The following TGS1 variants were observed in gnomAD, a reference collection of about 807,000 sequenced individuals.
TGS1 encodes trimethylguanosine synthase 1, also known as trimethylguanosine synthase.
TGS1 carries 69 observed loss-of-function variants against 92.2 expected under a neutral mutation model. The observed-to-expected ratio is 0.75, with a 90% CI of 0.62 to 0.91. TGS1 has a LOEUF of 0.91. Ranked by LOEUF, TGS1 falls within the 40% of genes least tolerant of loss-of-function variation. The pLI is 0.00. For missense variants in TGS1, 1,062 were observed against 1,001.2 expected, an observed-to-expected ratio of 1.06 and a Z score of -0.82; for synonymous variants, 345 against 338.1, an observed-to-expected ratio of 1.02 and a Z score of -0.22.
chr8:55,777,056 G>C (rs1033459201), intron 1 of TGS1, among the ~76,000 whole-genome samples: 10 of 151,838 alleles, frequency 6.6e-5, no homozygotes, highest in African/African-American at 2.4e-4. Flanking sequence ...CACCCAGGCT[G>C]GAGTGCAATG....
chr8:55,777,243 A>G (rs943369332), intron 1 of TGS1, among the ~76,000 whole-genome samples: 5 of 151,448 alleles, frequency 3.3e-5, no homozygotes, highest in Admixed American at 1.3e-4. Flanking sequence ...GCCTGGGTAC[A>G]AACAGTTTTC....
intron 2 of TGS1, among the ~76,000 whole-genome samples, chr8:55,784,242 A>G (rs1291050005): frequency 6.6e-6 from 1 of 152,212 alleles, no homozygotes; most frequent in African/African-American, 2.4e-5. Flanking sequence ...TATAATTACT[A>G]TTAGATAACC....
chr8:55,795,475 T>C (rs1433236758), intron 6 of TGS1, among the ~76,000 whole-genome samples: 1 of 152,188 alleles, frequency 6.6e-6, no homozygotes, highest in Non-Finnish European at 1.5e-5. Context: ...GATACATATC[T>C]TTTAGGACTG....
At chr8:55,805,829 C>T (rs868490239) in intron 10 of TGS1, among the ~76,000 whole-genome samples, 6 of 149,014 alleles carry the variant, frequency 4.0e-5, no homozygotes, top group Non-Finnish European at 7.4e-5. Context: ...TTGCAGTGAG[C>T]CGAGATCATG....
rs575269327 is a variant in TGS1 at position 55,779,018 on chromosome 8, C to T, written c.102-3730C>T. ...ATTACTACAATCCAGGTTGGGTCTT[C>T]TGCTTTACAATTCAAGTCAGTAGTT... On this transcript the variant is annotated intron_variant, in intron 1 of 12. Coordinates refer to ENST00000260129, the MANE Select transcript of TGS1 (RefSeq NM_024831.8). 4.0e-4 allele frequency among the ~76,000 whole-genome samples: 61 copies of T among 152,270 alleles called. 3 individuals carry two copies. In the South Asian group the frequency reaches 0.011, roughly 28 times the overall value.
At chr8:55,790,761 C>A (rs1811856518) in intron 5 of TGS1, among the ~76,000 whole-genome samples, 1 of 152,108 alleles carries the variant, frequency 6.6e-6, no homozygotes, top group South Asian at 2.1e-4. Flanking sequence ...TCAAGCGATC[C>A]ACTTGCCTTG....
chr8:55,806,899 T>C (rs7009428), intron 10 of TGS1, among the ~76,000 whole-genome samples: 2,266 of 152,084 alleles, frequency 0.015, 63 homozygotes, highest in African/African-American at 0.05. Context: ...GGACATCATT[T>C]AACCTTTATT....
At chr8:55,821,149 TA>T (rs778744754) in intron 12 of TGS1, among the ~76,000 whole-genome samples, 12 of 151,914 alleles carry the variant, frequency 7.9e-5, no homozygotes, top group South Asian at 4.2e-4. Context: ...GTTAAGTTTT[TA>T]AAAAAAAATT....
At chr8:55,784,931 A>G (rs2130122087) in intron 2 of TGS1, among the ~76,000 whole-genome samples, 1 of 152,358 alleles carries the variant, frequency 6.6e-6, no homozygotes, top group South Asian at 2.1e-4. Context: ...ATGCTCAATA[A>G]GAGTAAGTTA....
intron 12 of TGS1, among the ~76,000 whole-genome samples, chr8:55,818,155 T>G (rs1803535223): frequency 6.6e-6 from 1 of 152,240 alleles, no homozygotes; most frequent in South Asian, 2.1e-4. Flanking sequence ...ACCATGAGAT[T>G]GGAGCAATAA....
intron 4 of TGS1, among the ~76,000 whole-genome samples, chr8:55,788,711 G>T (rs532463589): frequency 6.6e-6 from 1 of 152,098 alleles, no homozygotes; most frequent in East Asian, 1.9e-4. Flanking sequence ...TGATCCTCCC[G>T]CCTCAGCCTC....
At chr8:55,787,943 A>C (rs972126108) in intron 4 of TGS1, among the ~76,000 whole-genome samples, 2 of 152,338 alleles carry the variant, frequency 1.3e-5, no homozygotes, top group African/African-American at 4.8e-5. Flanking sequence ...CAGATATTGC[A>C]GTAACTCATT....
chr8:55,814,841 A>AG (rs1489511773), intron 12 of TGS1, among the ~76,000 whole-genome samples: 1 of 150,860 alleles, frequency 6.6e-6, no homozygotes, highest in Non-Finnish European at 1.5e-5. Flanking sequence ...GTCTAAAAAA[A>AG]AAAAGAAAGA....
At chr8:55,795,415 G>T (rs576515272) in intron 6 of TGS1, among the ~76,000 whole-genome samples, 1 of 152,156 alleles carries the variant, frequency 6.6e-6, no homozygotes, top group African/African-American at 2.4e-5. Context: ...ACAGTTTGTC[G>T]GAGAGGGAGT....
chr8:55,813,455 C>CA (rs1024202565), intron 12 of TGS1, among the ~76,000 whole-genome samples: 5 of 151,658 alleles, frequency 3.3e-5, no homozygotes, highest in East Asian at 3.9e-4. Flanking sequence ...GAGACTGTCT[C>CA]AAAAAAAATA....
chr8:55,793,458 C>T (rs574779014), intron 6 of TGS1, among the ~76,000 whole-genome samples: 9 of 152,268 alleles, frequency 5.9e-5, no homozygotes, highest in African/African-American at 1.9e-4. Flanking sequence ...TGTCACTGCA[C>T]TCCAGCCTGG....
chr8:55,797,031 C>T (rs778938384), intron 7 of TGS1, among the ~76,000 whole-genome samples: 27 of 151,368 alleles, frequency 1.8e-4, no homozygotes, highest in Admixed American at 3.3e-4. Context: ...CAGACAAGAA[C>T]AAGGAACAAT....
At chr8:55,785,687 C>T (rs751148191) in intron 2 of TGS1, 32 bp from the exon 3 acceptor site, 2 of 1,450,266 alleles carry the variant, frequency 1.4e-6, no homozygotes, top group Non-Finnish European at 1.8e-6. Flanking sequence ...TTAAGTTTTC[C>T]TTAAAACTAA....
chr8:55,803,452 A>G lies in TGS1; in HGVS notation c.1999+846A>G, dbSNP rs965821549. The stretch of plus-strand genomic sequence containing the variant: ...AGTTCTTGATCTATGATGGAATTTC[A>G]GGGGTTCTCTGACCCTTTTAAAACA... On this transcript the variant is annotated intron_variant, in intron 9 of 12. Coordinates refer to ENST00000260129, the MANE Select transcript of TGS1 (RefSeq NM_024831.8). 4.6e-5 allele frequency among the ~76,000 whole-genome samples: 7 copies of G among 152,332 alleles called. No homozygotes were observed. In the East Asian group the frequency reaches 1.2e-3, roughly 25 times the overall value.
Sources: allele counts gnomAD v4.1 joint callset (sites outside exome capture counted in the v4.1 genomes callset), GRCh38; gene constraint gnomAD v4.1.1; transcripts MANE v1.5; gene names NCBI Gene and HGNC (gene_info 2026-07-23, HGNC 2026-07-21).